Variants in PCED1B observed in about 807,000 individuals in gnomAD.
PCED1B encodes the protein PC-esterase domain-containing protein 1B.
For missense variants in PCED1B, 573 were observed against 573.9 expected (o/e 1.00, Z 0.02); for synonymous variants, 251 against 246.1 (o/e 1.02, Z -0.19).
intron 2 of PCED1B, among the ~76,000 whole-genome samples, chr12:47,155,389 G>T (rs79262486): frequency 0.018 from 2,795 of 152,250 alleles, 86 homozygotes; most frequent in African/African-American, 0.062. Flanking sequence ...ATGTGAAAAC[G>T]TGAAGTTACC....
chr12:47,199,017 A>G (rs1484640061), intron 2 of PCED1B, among the ~76,000 whole-genome samples: 1 of 152,082 alleles, frequency 6.6e-6, no homozygotes, highest in East Asian at 1.9e-4. Context: ...CCAAAGAATC[A>G]ACAACAGCAA....
intron 2 of PCED1B, among the ~76,000 whole-genome samples, chr12:47,109,491 A>G (rs1206684230): frequency 6.6e-6 from 1 of 152,050 alleles, no homozygotes; most frequent in African/African-American, 2.4e-5. Context: ...AGAGACTTAG[A>G]GTGATGATGA....
chr12:47,122,314 C>T (rs1939714883), intron 2 of PCED1B, among the ~76,000 whole-genome samples: 1 of 152,050 alleles, frequency 6.6e-6, no homozygotes, highest in Non-Finnish European at 1.5e-5. Context: ...AGGTTTACAC[C>T]ACAGAAAATT....
At chr12:47,168,676 C>A (rs984719191) in intron 2 of PCED1B, among the ~76,000 whole-genome samples, 1 of 152,104 alleles carries the variant, frequency 6.6e-6, no homozygotes, top group Non-Finnish European at 1.5e-5. Context: ...TTCCATATGT[C>A]TTCTTGGTTT....
intron 2 of PCED1B, among the ~76,000 whole-genome samples, chr12:47,144,828 A>C (rs1163884778): frequency 2.0e-5 from 3 of 152,224 alleles, no homozygotes; most frequent in South Asian, 4.1e-4. Context: ...CCCCTGTCTC[A>C]AAATCCCTTG....
intron 1 of PCED1B, among the ~76,000 whole-genome samples, chr12:47,096,624 G>A (rs1938493633): frequency 6.6e-6 from 1 of 152,144 alleles, no homozygotes; most frequent in South Asian, 2.1e-4. Context: ...GGCTTAGCAA[G>A]TCTGTGGATT....
At chr12:47,152,804 G>A (rs193021892) in intron 2 of PCED1B, among the ~76,000 whole-genome samples, 34 of 152,118 alleles carry the variant, frequency 2.2e-4, no homozygotes, top group Admixed American at 9.8e-4. Context: ...GTGTGGTGGC[G>A]CACACCTATA....
intron 1 of PCED1B, among the ~76,000 whole-genome samples, chr12:47,098,739 C>T (rs1001619522): frequency 6.6e-6 from 1 of 152,304 alleles, no homozygotes; most frequent in African/African-American, 2.4e-5. Flanking sequence ...GCCTCCGCCT[C>T]CCAAAGTGCT....
chr12:47,135,713 G>C, intron 2 of PCED1B: 2 of 531,708 alleles, frequency 3.8e-6, no homozygotes, highest in Admixed American at 1.9e-5. Context: ...AGAGGGTGTT[G>C]AATAGGGACC....
At chr12:47,084,191 A>G (rs1306633152) in intron 1 of PCED1B, among the ~76,000 whole-genome samples, 1 of 152,206 alleles carries the variant, frequency 6.6e-6, no homozygotes, top group Non-Finnish European at 1.5e-5. Context: ...GAACACTTAC[A>G]CTAGCCTACA....
intron 2 of PCED1B, among the ~76,000 whole-genome samples, chr12:47,211,671 A>AG (rs1943086749): frequency 6.8e-6 from 1 of 147,136 alleles, no homozygotes; most frequent in East Asian, 2.1e-4. Flanking sequence ...AAAAAAAAAA[A>AG]AAAAAACTGG....
chr12:47,198,187 T>G (rs1331039183), intron 2 of PCED1B, among the ~76,000 whole-genome samples: 3 of 152,182 alleles, frequency 2.0e-5, no homozygotes, highest in African/African-American at 7.2e-5. Flanking sequence ...ATAAGAAGAA[T>G]TATGCACCAC....
At chr12:47,176,445 A>G (rs1397551255) in intron 2 of PCED1B, among the ~76,000 whole-genome samples, 5 of 152,122 alleles carry the variant, frequency 3.3e-5, no homozygotes, top group Non-Finnish European at 7.4e-5. Flanking sequence ...GAAACTTCAG[A>G]CCCATTCCCC....
At chr12:47,098,127 C>G (rs1160792871) in intron 1 of PCED1B, among the ~76,000 whole-genome samples, 1 of 152,176 alleles carries the variant, frequency 6.6e-6, no homozygotes, top group African/African-American at 2.4e-5. Flanking sequence ...TATTCACAGT[C>G]GCTGCTGGAA....
chr12:47,086,360 T>TAAAAAAAA (rs3045485), intron 1 of PCED1B, among the ~76,000 whole-genome samples: 44 of 95,506 alleles, frequency 4.6e-4, no homozygotes, highest in African/African-American at 1.7e-3. Flanking sequence ...GTGCTTATGG[T>TAAAAAAAA]AAAAAAAAAA....
rs115292989 is a variant in PCED1B, at chr12:47,104,965, C to T, written c.-526+770C>T. 3.4e-3 allele frequency among the ~76,000 whole-genome samples: 521 copies of T among 152,328 alleles called. 7 individuals carry two copies. Among genetic ancestry groups the T allele is most frequent in the African/African-American group, 0.012 (509 of 41,574 alleles). On this transcript the variant is annotated intron_variant, in intron 2 of 3. Coordinates refer to ENST00000546455, the MANE Select transcript of PCED1B (RefSeq NM_138371.3). ...GACTGGGCAGGGACCTCCTTTTGTA[C>T]TCTGACTTCTGTCTCATCTGACCAT...
intron 2 of PCED1B, among the ~76,000 whole-genome samples, chr12:47,111,158 A>G (rs118171200): frequency 1.4e-3 from 208 of 152,292 alleles, no homozygotes; most frequent in Middle Eastern, 3.4e-3. Context: ...TGTTTCAAGG[A>G]CCTGTGCCAC....
chr12:47,104,507 A>G (rs1273415667), intron 2 of PCED1B, among the ~76,000 whole-genome samples: 1 of 152,224 alleles, frequency 6.6e-6, no homozygotes, highest in African/African-American at 2.4e-5. Context: ...CATTTTCATT[A>G]TCACCCAGGC....
At position 47,210,161 on chromosome 12, in the gene PCED1B, A is replaced by G. The variant is rs535369428; in HGVS notation, c.-525-6061A>G. Reference sequence around the variant, plus strand: ...AATTGGAACCTTGCGTGGTCAGTTTATTCAACCAGAAACAAAGACATTTCT... The same window carrying G: ...AATTGGAACCTTGCGTGGTCAGTTTGTTCAACCAGAAACAAAGACATTTCT... On this transcript the variant is annotated intron_variant, in intron 2 of 3. Transcript: ENST00000546455. The G allele has an allele frequency of 3.9e-5, 6 of 152,368 alleles. No individual in the cohort carries two copies. The South Asian group carries it at 1.0e-3, about 26-fold the overall frequency. 9.4% of individuals were successfully genotyped at this position (152,368 alleles called of 1,614,324 possible). A position where few individuals can be genotyped will look rare whatever the true frequency, so the allele number is the denominator to read the frequency against.
Sources: gnomAD v4.1 joint callset for allele counts (sites outside exome capture counted in the v4.1 genomes callset) on GRCh38, gnomAD v4.1.1 for gene constraint, MANE v1.5 for transcripts, NCBI Gene and HGNC (gene_info 2026-07-23, HGNC 2026-07-21) for gene names.